Variants in PTH2R observed in about 807,000 individuals in gnomAD.
PTH2R encodes PTH2 receptor.
In PTH2R, 59 loss-of-function variants were observed where a neutral mutation model predicts 60.3. That is an observed-to-expected ratio of 0.98 (90% confidence interval 0.79 to 1.22). PTH2R has a LOEUF of 1.22. Ranked by LOEUF, PTH2R falls within the 50% of genes most tolerant of loss-of-function variation. The pLI, the probability that PTH2R is intolerant of heterozygous loss-of-function variation, is 0.00. For missense variants in PTH2R, 749 were observed against 682.6 expected (o/e 1.10, Z -1.08); for synonymous variants, 256 against 243.8 (o/e 1.05, Z -0.47).
chr2:208,437,632 G>T lies in PTH2R; in HGVS notation c.274G>T (p.Asp92Tyr). The T allele has an allele frequency of 6.2e-7, 1 of 1,612,214 alleles. No homozygotes were observed. The highest frequency in any genetic ancestry group is 2.2e-5 in the East Asian group (1 of 44,856). ...TGTTCCATGCCCTCCTTATATTTAT[G>T]ACTTCAACCATAAAGGTATTGAATT... ...SAVPCPPYIYDFNHKGVAFRH... is the reference protein window; with the variant it reads ...SAVPCPPYIYYFNHKGVAFRH... Residue 92 changes from aspartate (D) to tyrosine (Y), a missense_variant, in exon 3 of 13, where the codon GAC becomes TAC. By Grantham distance (160) the Asp-to-Tyr change is radical. Transcript: ENST00000272847.
At chr2:208,450,326 T>C (rs989333834) in intron 7 of PTH2R, among the ~76,000 whole-genome samples, 1 of 152,120 alleles carries the variant, frequency 6.6e-6, no homozygotes, top group Non-Finnish European at 1.5e-5. Context: ...GATGAAAAAA[T>C]TCTAAGTTTT....
At chr2:208,375,458 G>T (rs1700776108) in intron 1 of PTH2R, among the ~76,000 whole-genome samples, 1 of 152,110 alleles carries the variant, frequency 6.6e-6, no homozygotes, top group Admixed American at 6.5e-5. Flanking sequence ...TGTCTGCTCT[G>T]TGAAGGCAAC....
At chr2:208,381,657 A>G (rs1332852426) in intron 1 of PTH2R, among the ~76,000 whole-genome samples, 1 of 152,128 alleles carries the variant, frequency 6.6e-6, no homozygotes, top group Non-Finnish European at 1.5e-5. Flanking sequence ...GAGTAATACA[A>G]CAATAGAAGC....
In PTH2R at chr2:208,448,073, A is replaced by G. The variant is rs79356521; in HGVS notation, c.854-2676A>G. On this transcript the variant is annotated intron_variant, in intron 7 of 12. Coordinates refer to ENST00000272847, the MANE Select transcript of PTH2R (RefSeq NM_005048.4). ...ACCTATCCTAGTAATACCATCTTAC[A>G]TAGAATATTTTCACATAATATGTTC... Among the ~76,000 whole-genome samples the G allele has an allele frequency of 7.7e-4, 117 of 152,310 alleles. 1 individual carries two copies. In the East Asian group the frequency reaches 0.01, roughly 13 times the overall value.
chr2:208,364,063 AAT>A (rs1700532448), intron 1 of PTH2R, among the ~76,000 whole-genome samples: 1 of 152,126 alleles, frequency 6.6e-6, no homozygotes, highest in African/African-American at 2.4e-5. Flanking sequence ...CATTTTAAAA[AAT>A]AGAGTAATTT....
upstream of PTH2R, among the ~76,000 whole-genome samples, chr2:208,402,383 A>G (rs150291291): frequency 2.1e-3 from 314 of 152,314 alleles, 2 homozygotes; most frequent in African/African-American, 7.2e-3. Flanking sequence ...GGAGAAAACC[A>G]GTATGTTCCA....
At chr2:208,397,811 G>A (rs1251010585) in intron 1 of PTH2R, among the ~76,000 whole-genome samples, 1 of 152,178 alleles carries the variant, frequency 6.6e-6, no homozygotes, top group East Asian at 1.9e-4. Context: ...TGGCCATGTT[G>A]CCAGGCACAT....
intron 1 of PTH2R, among the ~76,000 whole-genome samples, chr2:208,388,658 C>G (rs1455449742): frequency 6.6e-6 from 1 of 152,098 alleles, no homozygotes; most frequent in East Asian, 1.9e-4. Context: ...AGTGATTACT[C>G]TAGAATAGAC....
intron 1 of PTH2R, among the ~76,000 whole-genome samples, chr2:208,416,965 T>C (rs1701652961): frequency 6.6e-6 from 1 of 152,086 alleles, no homozygotes; most frequent in South Asian, 2.1e-4. Flanking sequence ...AACTCCCCTT[T>C]ATATATATAT....
intron 1 of PTH2R, among the ~76,000 whole-genome samples, chr2:208,397,678 A>C (rs1429540593): frequency 6.6e-6 from 1 of 152,210 alleles, no homozygotes; most frequent in African/African-American, 2.4e-5. Flanking sequence ...TAGTGCCCAG[A>C]GGATTGGTTT....
chr2:208,361,031 C>A (rs1033453989), intron 1 of PTH2R: 4 of 219,560 alleles, frequency 1.8e-5, no homozygotes, highest in South Asian at 1.5e-4. Context: ...CAGTTATTCT[C>A]CCGCTGGAAA....
intron 1 of PTH2R, among the ~76,000 whole-genome samples, chr2:208,376,883 T>A (rs1401302478): frequency 1.3e-5 from 2 of 151,250 alleles, no homozygotes; most frequent in Admixed American, 6.6e-5. Context: ...AATTAATTAA[T>A]TTTTTTTTAT....
intron 2 of PTH2R, among the ~76,000 whole-genome samples, chr2:208,433,098 C>G (rs1360306214): frequency 6.6e-6 from 1 of 152,172 alleles, no homozygotes; most frequent in East Asian, 1.9e-4. Context: ...AGCAAGTGTG[C>G]ACCAGTCACA....
At chr2:208,481,792 A>G (rs1401598668) in intron 10 of PTH2R, among the ~76,000 whole-genome samples, 1 of 152,236 alleles carries the variant, frequency 6.6e-6, no homozygotes, top group Non-Finnish European at 1.5e-5. Context: ...CAAATATGTC[A>G]TAACTGAAAA....
chr2:208,401,077 G>C lies in PTH2R; in HGVS notation c.-258-27124G>C, dbSNP rs542426367. Among the ~76,000 whole-genome samples the C allele has an allele frequency of 6.6e-5, 10 of 152,302 alleles. No homozygotes were observed. The East Asian group carries it at 1.9e-3, about 29-fold the overall frequency. Reference sequence around the variant, plus strand: ...TTGGTTGTATTCCAGATATCAGAAGGAGGTATACAATAGGATTATGCCATG... The same window carrying C: ...TTGGTTGTATTCCAGATATCAGAAGCAGGTATACAATAGGATTATGCCATG... On this transcript the variant is annotated intron_variant, in intron 1 of 12. Transcript: ENST00000617735.
In PTH2R at chr2:208,408,740, A is replaced by AAGAGAGAGAGAGAGAGAG. The variant is rs56107941; in HGVS notation, c.75+1630_75+1647dup. 2.8e-4 allele frequency among the ~76,000 whole-genome samples: 34 copies of AAGAGAGAGAGAGAGAGAG among 123,348 alleles called. 1 individual carries two copies. Among genetic ancestry groups the AAGAGAGAGAGAGAGAGAG allele is most frequent in the African/African-American group, 1.0e-3 (26 of 25,578 alleles). 80.9% of individuals were successfully genotyped at this position (123,348 alleles called of 152,430 possible). ...GAAAGGAAAGAGAGAGAGAGAGAGAAAGAGAGAGAGAGAGAGAGAGAGAGA... is the reference window on the plus strand; with the variant it reads ...GAAAGGAAAGAGAGAGAGAGAGAGAAAGAGAGAGAGAGAGAGAGAGAGAGAGAGAGAGAGAGAGAGAGA... On this transcript the variant is annotated intron_variant, in intron 1 of 12. Transcript: ENST00000272847.
chr2:208,469,242 G>GT (rs1480739919), intron 9 of PTH2R, among the ~76,000 whole-genome samples: 1 of 152,160 alleles, frequency 6.6e-6, no homozygotes, highest in Non-Finnish European at 1.5e-5. Flanking sequence ...ATATAAAGTT[G>GT]TTTTTTAGTC....
At chr2:208,376,773 C>CT (rs1700799709) in intron 1 of PTH2R, among the ~76,000 whole-genome samples, 3 of 152,082 alleles carry the variant, frequency 2.0e-5, no homozygotes, top group Admixed American at 6.5e-5. Flanking sequence ...GCTCTATTCT[C>CT]TGCAGCACGT....
chr2:208,484,530 A>T (rs1362449641), intron 10 of PTH2R, among the ~76,000 whole-genome samples: 1 of 152,148 alleles, frequency 6.6e-6, no homozygotes, highest in Admixed American at 6.5e-5. Flanking sequence ...TGGATAATAC[A>T]TTTTTTTCCT....
Sources: gnomAD v4.1 joint callset for allele counts (sites outside exome capture counted in the v4.1 genomes callset) on GRCh38, gnomAD v4.1.1 for gene constraint, MANE v1.5 for transcripts, NCBI Gene and HGNC (gene_info 2026-07-23, HGNC 2026-07-21) for gene names.